Variants in MYO1B observed in about 807,000 individuals in gnomAD.
MYO1B encodes the protein unconventional myosin-Ib.
In MYO1B, 72 loss-of-function variants were observed where a neutral mutation model predicts 159.7. The ratio of observed to expected loss-of-function variants is 0.45; its 90% confidence interval spans 0.37 to 0.55. The LOEUF (loss-of-function observed/expected upper bound fraction) is 0.55. Ranked by LOEUF, MYO1B falls within the 20% of genes least tolerant of loss-of-function variation. MYO1B has a pLI of 0.00. For synonymous variants in MYO1B, 468 were observed against 473.8 expected, an observed-to-expected ratio of 0.99 and a Z score of 0.16; for missense variants, 1,062 against 1,364.8, an observed-to-expected ratio of 0.78 and a Z score of 3.50.
intron 2 of MYO1B, among the ~76,000 whole-genome samples, chr2:191,279,369 T>G (rs1268775868): frequency 6.6e-6 from 1 of 152,046 alleles, no homozygotes; most frequent in East Asian, 1.9e-4. Flanking sequence ...TATGTACATA[T>G]GTTTGTATAT....
chr2:191,250,168 A>G (rs895186144), intron 1 of MYO1B, among the ~76,000 whole-genome samples: 5 of 152,214 alleles, frequency 3.3e-5, no homozygotes. Context: ...AATGAAGAAA[A>G]TGGCTATGAC....
intron 13 of MYO1B, among the ~76,000 whole-genome samples, chr2:191,370,596 A>G (rs1224119024): frequency 1.3e-5 from 2 of 152,088 alleles, no homozygotes; most frequent in African/African-American, 4.8e-5. Context: ...TTAGTACCTG[A>G]CTTTTGAAAT....
At chr2:191,291,589 C>T (rs1688691213) in intron 2 of MYO1B, among the ~76,000 whole-genome samples, 3 of 152,100 alleles carry the variant, frequency 2.0e-5, no homozygotes. Flanking sequence ...GTGGCATGGA[C>T]CTGAGGGCTT....
intron 17 of MYO1B, among the ~76,000 whole-genome samples, chr2:191,389,523 G>GT (rs1441082123): frequency 6.6e-6 from 1 of 152,246 alleles, no homozygotes; most frequent in African/African-American, 2.4e-5. Context: ...GCAGCCAGCA[G>GT]TAAGCTGGAG....
intron 17 of MYO1B, among the ~76,000 whole-genome samples, chr2:191,388,518 G>A (rs1317915865): frequency 2.0e-5 from 3 of 152,122 alleles, no homozygotes; most frequent in Non-Finnish European, 4.4e-5. Flanking sequence ...GAGGAAACTA[G>A]AGTGAAGAAT....
At chr2:191,280,775 G>A (rs1342752521) in intron 2 of MYO1B, among the ~76,000 whole-genome samples, 2 of 152,212 alleles carry the variant, frequency 1.3e-5, no homozygotes, top group Non-Finnish European at 2.9e-5. Flanking sequence ...AGTGGATGCC[G>A]AGGAGCCCAC....
rs146297504 is a variant in MYO1B at position 191,419,596 on chromosome 2, G to A, written c.3287+3354G>A. ...TTAATAGTAAAACAGCCTCGGGCAG[G>A]TCCTTAAGGGGGTATTTCAGAAGGC... On this transcript the variant is annotated intron_variant, in intron 30 of 30. Transcript: ENST00000392318. Among the ~76,000 whole-genome samples the A allele has an allele frequency of 2.3e-3, 356 of 152,234 alleles. 1 individual carries two copies. Among genetic ancestry groups the A allele is most frequent in the Middle Eastern group, 0.02 (6 of 294 alleles).
At chr2:191,258,366 G>A (rs527506739) in intron 1 of MYO1B, among the ~76,000 whole-genome samples, 1 of 152,328 alleles carries the variant, frequency 6.6e-6, no homozygotes, top group East Asian at 1.9e-4. Flanking sequence ...CTTATGAATA[G>A]AGCTTGCAAG....
intron 11 of MYO1B, among the ~76,000 whole-genome samples, chr2:191,366,176 T>C (rs1298876576): frequency 1.3e-5 from 2 of 152,200 alleles, no homozygotes; most frequent in Non-Finnish European, 2.9e-5. Flanking sequence ...CCTTTAGGAA[T>C]ATGTATATTT....
intron 12 of MYO1B, 73 bp downstream of exon 12, chr2:191,369,701 T>G: frequency 8.7e-7 from 1 of 1,144,556 alleles, no homozygotes. Context: ...TTGAAGAAAG[T>G]TTAAATTTAT....
intron 13 of MYO1B, among the ~76,000 whole-genome samples, chr2:191,380,784 G>A (rs1574557799): frequency 1.3e-5 from 2 of 152,232 alleles, no homozygotes; most frequent in Middle Eastern, 6.8e-3. Context: ...CCATTTGGTA[G>A]GAACTTCATT....
At chr2:191,286,491 T>A (rs1467220434) in intron 2 of MYO1B, among the ~76,000 whole-genome samples, 2 of 152,208 alleles carry the variant, frequency 1.3e-5, no homozygotes, top group African/African-American at 4.8e-5. Flanking sequence ...ATTCCTCATA[T>A]TGGAGTGAAT....
intron 21 of MYO1B, among the ~76,000 whole-genome samples, chr2:191,399,072 C>T (rs1307213440): frequency 2.0e-5 from 3 of 152,148 alleles, no homozygotes; most frequent in Non-Finnish European, 4.4e-5. Flanking sequence ...GAGACCAGCC[C>T]GGCCAACACA....
chr2:191,396,180 AATAATG>A (rs1186551579), intron 20 of MYO1B, among the ~76,000 whole-genome samples: 1 of 152,152 alleles, frequency 6.6e-6, no homozygotes, highest in Non-Finnish European at 1.5e-5. Context: ...AGATGAAGAA[AATAATG>A]ATAATAATGC....
At chr2:191,285,257 A>G (rs1391568453) in intron 2 of MYO1B, among the ~76,000 whole-genome samples, 1 of 152,204 alleles carries the variant, frequency 6.6e-6, no homozygotes, top group Non-Finnish European at 1.5e-5. Flanking sequence ...CCTGCTCTAA[A>G]ATAAAGACGC....
At position 191,383,312 on chromosome 2, in the gene MYO1B, T is replaced by C. The variant is rs765759358; in HGVS notation, c.1323T>C (p.Asn441=). Residue 441 remains asparagine, a synonymous_variant, in exon 15 of 31, where the codon AAT becomes AAC. Coordinates refer to ENST00000392318, the MANE Select transcript of MYO1B (RefSeq NM_001130158.3). ...AATGGACTCACATTGACTACTTCAA[T>C]AATGCTATCATTTGTGACCTAATAG... ...DIEWTHIDYF[N]NAIICDLIEN... 3.2e-6 allele frequency: 5 copies of C among 1,586,094 alleles called. No individual in the cohort carries two copies. In the South Asian group the frequency reaches 5.8e-5, roughly 18 times the overall value.
chr2:191,290,727 C>T (rs116345562), intron 2 of MYO1B, among the ~76,000 whole-genome samples: 5,990 of 152,206 alleles, frequency 0.039, 401 homozygotes, highest in African/African-American at 0.14. Flanking sequence ...TTGCCTCTTC[C>T]AATATACAGA....
At chr2:191,363,651 C>T in intron 9 of MYO1B, 77 bp from the exon 10 acceptor site, 3 of 1,488,720 alleles carry the variant, frequency 2.0e-6, no homozygotes, top group Non-Finnish European at 2.7e-6. Flanking sequence ...AGAAATAAAT[C>T]TGTAATATGA....
chr2:191,394,665 G>C (rs1559230235), intron 20 of MYO1B, among the ~76,000 whole-genome samples: 1 of 152,204 alleles, frequency 6.6e-6, no homozygotes, highest in Non-Finnish European at 1.5e-5. Context: ...TGTGACCTAA[G>C]CTAGAGTGGT....
Sources: allele counts gnomAD v4.1 joint callset (sites outside exome capture counted in the v4.1 genomes callset), GRCh38; gene constraint gnomAD v4.1.1; transcripts MANE v1.5; gene names NCBI Gene and HGNC (gene_info 2026-07-23, HGNC 2026-07-21).